The following CCDC7 variants were observed in gnomAD, a reference collection of about 807,000 sequenced individuals.
The protein encoded by CCDC7 is coiled-coil domain-containing protein 7.
A neutral mutation model predicts 196.9 loss-of-function variants in CCDC7; 183 were observed. The observed-to-expected ratio is 0.93, with a 90% confidence interval of 0.82 to 1.05. CCDC7 has a LOEUF of 1.05. Ranked by LOEUF, CCDC7 falls within the 50% of genes least tolerant of loss-of-function variation. The probability of loss-of-function intolerance (pLI) is 0.00; values close to 1 mark genes in which losing one functional copy is unlikely to be tolerated. For missense variants in CCDC7, 1,540 were observed against 1,482.2 expected (o/e 1.04, Z -0.64); for synonymous variants, 525 against 484.6 (o/e 1.08, Z -1.10).
At chr10:32,721,240 T>C (rs1403116951) in intron 25 of CCDC7, among the ~76,000 whole-genome samples, 1 of 152,182 alleles carries the variant, frequency 6.6e-6, no homozygotes, top group Non-Finnish European at 1.5e-5. Flanking sequence ...TATCCACCAA[T>C]GTCCAATAAC....
At chr10:32,501,384 A>G (rs1056511005) in intron 9 of CCDC7, among the ~76,000 whole-genome samples, 12 of 152,172 alleles carry the variant, frequency 7.9e-5, no homozygotes, top group Middle Eastern at 3.4e-3. Context: ...ACTTCTGTCA[A>G]TTCGTCAAAC....
At chr10:32,852,146 T>C (rs1355654681) in intron 40 of CCDC7, among the ~76,000 whole-genome samples, 1 of 152,222 alleles carries the variant, frequency 6.6e-6, no homozygotes, top group African/African-American at 2.4e-5. Context: ...TATGACTAAA[T>C]TGGAGCTCCA....
chr10:32,481,965 A>G (rs1347379520), intron 8 of CCDC7, among the ~76,000 whole-genome samples: 3 of 152,076 alleles, frequency 2.0e-5, no homozygotes, highest in African/African-American at 7.2e-5. Flanking sequence ...CAGTTTGGTT[A>G]TAATACATTT....
At chr10:32,460,139 A>T (rs1009113155) in intron 3 of CCDC7, among the ~76,000 whole-genome samples, 1 of 152,224 alleles carries the variant, frequency 6.6e-6, no homozygotes, top group South Asian at 2.1e-4. Flanking sequence ...TATTAAATTT[A>T]TAAGCTCTGT....
rs754749087 is a variant in CCDC7 at position 32,854,466 on chromosome 10, C to T, written c.4088C>T (p.Thr1363Ile). 3 of 1,598,172 alleles carry T rather than the reference C, an allele frequency of 1.9e-6. No homozygotes were observed. The East Asian group carries it at 6.7e-5, about 36-fold the overall frequency. Residue 1363 changes from threonine (T) to isoleucine (I), a missense_variant, in exon 41 of 42, where the codon ACA becomes ATA. Transcript: ENST00000639629. The stretch of plus-strand genomic sequence containing the variant: ...TTTACTCTGCCTACTGTGACCAATA[C>T]AGTTGGAAAACCTACCTATAAAGGT...
At chr10:32,686,101 TAAC>T in intron 22 of CCDC7, 21 bp downstream of exon 23, 1 of 1,140,330 alleles carries the variant, frequency 8.8e-7, no homozygotes, top group South Asian at 1.5e-5. Context: ...AAATTACACA[TAAC>T]TTTACATTAT....
At chr10:32,601,794 A>G (rs1236385643) in intron 18 of CCDC7, among the ~76,000 whole-genome samples, 2 of 152,182 alleles carry the variant, frequency 1.3e-5, no homozygotes, top group Non-Finnish European at 2.9e-5. Context: ...AAATGCACCA[A>G]TCAGCACTCT....
chr10:32,572,706 G>A (rs12146353), intron 16 of CCDC7, among the ~76,000 whole-genome samples: 52,120 of 151,760 alleles, frequency 0.34, 11,415 homozygotes, highest in Non-Finnish European at 0.5. Flanking sequence ...ACTTATAATG[G>A]TTGGTTTCTT....
At chr10:32,493,826 T>C (rs978507664) in intron 9 of CCDC7, among the ~76,000 whole-genome samples, 1 of 152,198 alleles carries the variant, frequency 6.6e-6, no homozygotes, top group African/African-American at 2.4e-5. Flanking sequence ...ATATACCCTG[T>C]TGACCATTCA....
intron 39 of CCDC7, among the ~76,000 whole-genome samples, chr10:32,850,392 T>C (rs538903932): frequency 3.0e-4 from 46 of 152,328 alleles, no homozygotes; most frequent in African/African-American, 1.1e-3. Context: ...CTTCAAGTTC[T>C]AAGAGCAGCA....
intron 23 of CCDC7, among the ~76,000 whole-genome samples, chr10:32,692,659 GC>G (rs1323492096): frequency 6.6e-6 from 1 of 152,146 alleles, no homozygotes; most frequent in Non-Finnish European, 1.5e-5. Flanking sequence ...AAACAGAAAT[GC>G]CAGTTTTTGA....
chr10:32,605,535 A>G (rs184965099), intron 18 of CCDC7, among the ~76,000 whole-genome samples: 1 of 152,240 alleles, frequency 6.6e-6, no homozygotes. Context: ...TGGACAGTGA[A>G]GTCCAGGCTG....
chr10:32,766,288 G>A (rs1381889766), intron 28 of CCDC7, among the ~76,000 whole-genome samples: 1 of 152,012 alleles, frequency 6.6e-6, no homozygotes, highest in Non-Finnish European at 1.5e-5. Context: ...TGACTTCTCT[G>A]TATATTAAGG....
intron 28 of CCDC7, among the ~76,000 whole-genome samples, chr10:32,748,274 G>T (rs1193020885): frequency 6.6e-6 from 1 of 151,958 alleles, no homozygotes; most frequent in Non-Finnish European, 1.5e-5. Flanking sequence ...GTCACTACCT[G>T]GGTGACAAAA....
chr10:32,570,900 A>G (rs2057455501), intron 15 of CCDC7, among the ~76,000 whole-genome samples: 1 of 152,190 alleles, frequency 6.6e-6, no homozygotes, highest in African/African-American at 2.4e-5. Flanking sequence ...GATGAAAATC[A>G]GGTCCAGAAT....
At chr10:32,556,779 C>A (rs1196397848) in intron 13 of CCDC7, among the ~76,000 whole-genome samples, 1 of 152,224 alleles carries the variant, frequency 6.6e-6, no homozygotes, top group African/African-American at 2.4e-5. Context: ...ATTTAGGGTT[C>A]TAATTCCATC....
intron 29 of CCDC7, among the ~76,000 whole-genome samples, chr10:32,797,698 A>G (rs1366749997): frequency 6.6e-6 from 1 of 152,086 alleles, no homozygotes; most frequent in East Asian, 1.9e-4. Context: ...AAATAAAACA[A>G]AAGGGAAAAA....
intron 18 of CCDC7, among the ~76,000 whole-genome samples, chr10:32,630,804 T>C (rs1174818351): frequency 1.3e-5 from 2 of 152,180 alleles, no homozygotes; most frequent in African/African-American, 2.4e-5. Flanking sequence ...TTTTTATAAT[T>C]TATATGCTGT....
At chr10:32,468,180 A>T (rs2037230726) in intron 5 of CCDC7, among the ~76,000 whole-genome samples, 1 of 152,146 alleles carries the variant, frequency 6.6e-6, no homozygotes, top group Non-Finnish European at 1.5e-5. Context: ...TTTGGAAAGT[A>T]TTGCCATTTT....
Sources: gnomAD v4.1 joint callset for allele counts (sites outside exome capture counted in the v4.1 genomes callset) on GRCh38, gnomAD v4.1.1 for gene constraint, MANE v1.5 for transcripts, NCBI Gene and HGNC (gene_info 2026-07-23, HGNC 2026-07-21) for gene names.